FANCA: variants seen among roughly 807,000 people sequenced by gnomAD.
FANCA encodes Fanconi anemia group A protein.
FANCA carries 236 observed loss-of-function variants against 194.3 expected under a neutral mutation model. The ratio of observed to expected loss-of-function variants is 1.21; its 90% CI spans 1.09 to 1.35. The LOEUF is 1.35. Ranked by LOEUF, FANCA falls within the 40% of genes most tolerant of loss-of-function variation. The pLI, the probability that FANCA is intolerant of heterozygous loss-of-function variation, is 0.00. For synonymous variants in FANCA, 1,014 were observed against 715.8 expected (o/e 1.42, Z -6.65); for missense variants, 2,628 against 1,813.9 (o/e 1.45, Z -8.15).
At chr16:89,772,906 G>T (rs2039372885) in intron 22 of FANCA, among the ~76,000 whole-genome samples, 1 of 152,124 alleles carries the variant, frequency 6.6e-6, no homozygotes, top group Admixed American at 6.5e-5. Context: ...CCATCACATG[G>T]AAGCAGGATC....
intron 6 of FANCA, 127 bp downstream of exon 6, chr16:89,808,167 A>G (rs1484787761): frequency 8.3e-6 from 7 of 844,306 alleles, no homozygotes; most frequent in Admixed American, 7.0e-5. Flanking sequence ...ATGCAATGCA[A>G]TCTAGTCTAG....
chr16:89,759,515 C>T (rs1376614795), intron 29 of FANCA, among the ~76,000 whole-genome samples: 1 of 151,872 alleles, frequency 6.6e-6, no homozygotes, highest in African/African-American at 2.4e-5. Context: ...AATCCCAGCA[C>T]TGTGGGAGGC....
At position 89,778,950 on chromosome 16, in the gene FANCA, G is replaced by C. The variant is rs757637315; in HGVS notation, c.1769C>G (p.Pro590Arg). The change falls in exon 19 of 43, where the codon CCT (proline) becomes CGT (arginine). Residue 590 changes from proline (P) to arginine (R), a missense_variant. Transcript: ENST00000389301. ...VSHFLPALLT[P>R]RVLPKVPDSR... ...ATGGAGACGCATACTGACCACTCGA[G>C]GTGTGAGCAGGGCGGGGAGGAAGTG... 6.2e-7 allele frequency: 1 copy of C among 1,614,118 alleles called. No individual in the cohort carries two copies. The highest frequency in any genetic ancestry group is 8.5e-7 in the Non-Finnish European group (1 of 1,180,032).
intron 17 of FANCA, 122 bp downstream of exon 17, chr16:89,782,737 C>G: frequency 5.8e-6 from 5 of 864,758 alleles, no homozygotes; most frequent in Non-Finnish European, 9.4e-6. Context: ...CAGCTGCGCC[C>G]GAGGCAAGAC....
At chr16:89,801,791 G>C (rs898952469) in intron 8 of FANCA, among the ~76,000 whole-genome samples, 1 of 151,974 alleles carries the variant, frequency 6.6e-6, no homozygotes, top group African/African-American at 2.4e-5. Flanking sequence ...GGGAGGCTGA[G>C]GCAGGAGAAT....
chr16:89,803,389 A>G (rs1260475070), intron 7 of FANCA, 48 bp from the exon 8 acceptor site: 1 of 1,541,656 alleles, frequency 6.5e-7, no homozygotes, highest in East Asian at 2.2e-5. Context: ...ATGGTCTCCA[A>G]GCAACTGTGA....
At chr16:89,806,560 C>T (rs1222092383) in intron 6 of FANCA, among the ~76,000 whole-genome samples, 4 of 151,590 alleles carry the variant, frequency 2.6e-5, no homozygotes, top group African/African-American at 9.7e-5. Context: ...TCTTAACGAG[C>T]ATGCTGCCTT....
At chr16:89,747,704 A>T (rs2038439202) in intron 33 of FANCA, among the ~76,000 whole-genome samples, 2 of 150,318 alleles carry the variant, frequency 1.3e-5, no homozygotes. Context: ...CTGTCTCAAA[A>T]AATAAATAAA....
At position 89,810,744 on chromosome 16, in the gene FANCA, G is replaced by C. The variant is rs1015108098; in HGVS notation, c.485C>G (p.Ser162Cys). 1.9e-5 allele frequency: 31 copies of C among 1,613,026 alleles called. No individual in the cohort carries two copies. The highest frequency in any genetic ancestry group is 2.4e-5 in the Non-Finnish European group (28 of 1,178,980). ...AQYLLAHSMF[S>C]RLSFCQELWK... is the part of the protein sequence containing the mutation. ...TAATTCTTGACAGAAGGAAAGACGGGAGAACATACTGTGTGCCAATAAATA... is the reference window on the plus strand; with the variant it reads ...TAATTCTTGACAGAAGGAAAGACGGCAGAACATACTGTGTGCCAATAAATA... The change falls in exon 5 of 43, where the codon TCC (serine) becomes TGC (cysteine). Residue 162 changes from serine to cysteine, a missense_variant. Ser to Cys is a moderately radical substitution (Grantham distance 112). Coordinates refer to ENST00000389301, the MANE Select transcript of FANCA (RefSeq NM_000135.4).
At chr16:89,797,688 G>A (rs535660669) in intron 10 of FANCA, among the ~76,000 whole-genome samples, 7 of 152,292 alleles carry the variant, frequency 4.6e-5, no homozygotes, top group African/African-American at 1.7e-4. Context: ...AGACCAGCCT[G>A]ACCAATATAG....
At chr16:89,816,331 C>T in intron 1 of FANCA, 1 of 259,032 alleles carries the variant, frequency 3.9e-6, no homozygotes, top group East Asian at 5.7e-5. Flanking sequence ...CCGCGGGCGG[C>T]GGCTGGGGGC....
At chr16:89,794,465 G>A (rs1282033150) in intron 11 of FANCA, among the ~76,000 whole-genome samples, 7 of 152,024 alleles carry the variant, frequency 4.6e-5, no homozygotes, top group Non-Finnish European at 8.8e-5. Flanking sequence ...GAACCCAGGC[G>A]GCAGAGGTTG....
At chr16:89,798,203 C>A (rs2040313603) in intron 10 of FANCA, among the ~76,000 whole-genome samples, 1 of 152,126 alleles carries the variant, frequency 6.6e-6, no homozygotes, top group African/African-American at 2.4e-5. Context: ...TCCTGCAAGC[C>A]AGGAAGAGGG....
At chr16:89,773,189 T>C (rs1281123303) in intron 22 of FANCA, 82 bp downstream of exon 22, 1 of 1,075,580 alleles carries the variant, frequency 9.3e-7, no homozygotes, top group Non-Finnish European at 1.4e-6. Context: ...CTGATGTCAC[T>C]ATGGGGAAAA....
chr16:89,815,444 G>C (rs955425515), intron 2 of FANCA, among the ~76,000 whole-genome samples: 8 of 146,972 alleles, frequency 5.4e-5, no homozygotes, highest in Admixed American at 4.1e-4. Flanking sequence ...CTGCCTCCCG[G>C]GTCCAGGTTC....
At chr16:89,739,650 G>T in intron 39 of FANCA, 97 bp from the exon 40 acceptor site, 1 of 1,507,236 alleles carries the variant, frequency 6.6e-7, no homozygotes, top group South Asian at 1.2e-5. Context: ...ACCCTGGGAG[G>T]CCTGGCTGTG....
chr16:89,790,158 T>C (rs1301455742), intron 14 of FANCA, among the ~76,000 whole-genome samples: 1 of 152,140 alleles, frequency 6.6e-6, no homozygotes, highest in Non-Finnish European at 1.5e-5. Flanking sequence ...TCCCTGCACT[T>C]TGGGAGGCCG....
rs1348923709 is a variant in FANCA at position 89,806,508 on chromosome 16, G to T, written c.597-1116C>A. On this transcript the variant is annotated intron_variant, in intron 6 of 42. Coordinates refer to ENST00000389301, the MANE Select transcript of FANCA (RefSeq NM_000135.4). The stretch of plus-strand genomic sequence containing the variant: ...AGAGGACCCTGAGGCCTTCTGCAGT[G>T]TTTGTGTCCCTGGGTACTTGAGATT... Among the ~76,000 whole-genome samples the T allele has an allele frequency of 2.6e-5, 4 of 151,876 alleles. No homozygotes were observed. The East Asian group carries it at 7.7e-4, about 29-fold the overall frequency.
chr16:89,747,734 A>G (rs1300216142), intron 33 of FANCA, among the ~76,000 whole-genome samples: 1 of 152,084 alleles, frequency 6.6e-6, no homozygotes, highest in African/African-American at 2.4e-5. Flanking sequence ...AAATAAAAAT[A>G]TAAAATGCTG....
Sources: allele counts gnomAD v4.1 joint callset (sites outside exome capture counted in the v4.1 genomes callset), GRCh38; gene constraint gnomAD v4.1.1; transcripts MANE v1.5; gene names NCBI Gene and HGNC (gene_info 2026-07-23, HGNC 2026-07-21).